Variants in HIVEP2 observed in about 807,000 individuals in gnomAD.
HIVEP2 encodes HIVEP zinc finger 2.
HIVEP2 carries 14 observed loss-of-function variants against 180.7 expected under a neutral mutation model. The ratio of observed to expected loss-of-function variants is 0.08; its 90% CI spans 0.05 to 0.12. HIVEP2 has a LOEUF of 0.12. Ranked by LOEUF, HIVEP2 falls within the 10% of genes least tolerant of loss-of-function variation. HIVEP2 has a pLI of 1.00. For synonymous variants in HIVEP2, 1,184 were observed against 1,136.4 expected, an observed-to-expected ratio of 1.04 and a Z score of -0.84; for missense variants, 2,579 against 3,008.5, an observed-to-expected ratio of 0.86 and a Z score of 3.34.
intron 1 of HIVEP2, among the ~76,000 whole-genome samples, chr6:142,925,022 C>T (rs894527976): frequency 6.6e-6 from 1 of 152,170 alleles, no homozygotes; most frequent in Admixed American, 6.5e-5. Context: ...GGTCCTCTGC[C>T]TTCTGTCTAT....
chr6:142,792,461 G>C (rs1056936767), intron 2 of HIVEP2, among the ~76,000 whole-genome samples: 2 of 152,024 alleles, frequency 1.3e-5, no homozygotes, highest in African/African-American at 4.8e-5. Context: ...AACTAACAGG[G>C]GAACAGAAAA....
intron 2 of HIVEP2, among the ~76,000 whole-genome samples, chr6:142,807,289 A>C (rs1396323723): frequency 6.6e-6 from 1 of 152,136 alleles, no homozygotes; most frequent in Admixed American, 6.6e-5. Context: ...ATTTAAGCAA[A>C]TAGGAAACTC....
chr6:142,766,419 C>T (rs771083645), intron 6 of HIVEP2, among the ~76,000 whole-genome samples: 18 of 151,852 alleles, frequency 1.2e-4, no homozygotes, highest in Non-Finnish European at 2.2e-4. Flanking sequence ...TAGAAAAAAC[C>T]CTAAAGATGC....
chr6:142,878,804 T>C (rs972739934), intron 1 of HIVEP2, among the ~76,000 whole-genome samples: 3 of 152,172 alleles, frequency 2.0e-5, no homozygotes, highest in Admixed American at 6.5e-5. Flanking sequence ...CTGCTGGGAC[T>C]GAAGGCACCT....
chr6:142,849,036 T>G (rs1039538406), intron 1 of HIVEP2, among the ~76,000 whole-genome samples: 1 of 152,252 alleles, frequency 6.6e-6, no homozygotes, highest in African/African-American at 2.4e-5. Context: ...TATTTTTTCC[T>G]ATTTCAATAT....
chr6:142,800,050 C>A (rs1204389174), intron 2 of HIVEP2, among the ~76,000 whole-genome samples: 1 of 152,130 alleles, frequency 6.6e-6, no homozygotes, highest in Non-Finnish European at 1.5e-5. Flanking sequence ...GACTAAGCAG[C>A]AAATATTTTC....
At chr6:142,769,470 TAGGC>T in intron 5 of HIVEP2, 78 bp downstream of exon 5, 1 of 1,209,226 alleles carries the variant, frequency 8.3e-7, no homozygotes, top group South Asian at 1.5e-5. Context: ...ATTTTTTTTT[TAGGC>T]CTTATATCCT....
At chr6:142,855,567 T>C (rs993001137) in intron 1 of HIVEP2, among the ~76,000 whole-genome samples, 1 of 152,222 alleles carries the variant, frequency 6.6e-6, no homozygotes, top group African/African-American at 2.4e-5. Context: ...ATACTTAATG[T>C]ATTAATAACC....
chr6:142,900,783 G>C (rs1345682098), intron 1 of HIVEP2, among the ~76,000 whole-genome samples: 1 of 152,150 alleles, frequency 6.6e-6, no homozygotes. Context: ...CTTGCACAAA[G>C]ACCTTATTAT....
chr6:142,802,174 C>T (rs2114763495), intron 2 of HIVEP2, among the ~76,000 whole-genome samples: 1 of 152,286 alleles, frequency 6.6e-6, no homozygotes, highest in Non-Finnish European at 1.5e-5. Flanking sequence ...CAAACTCCTT[C>T]AAACTTATGG....
At chr6:142,793,263 C>G (rs368130894) in intron 2 of HIVEP2, among the ~76,000 whole-genome samples, 3 of 152,108 alleles carry the variant, frequency 2.0e-5, no homozygotes, top group African/African-American at 7.2e-5. Context: ...GTATATATCT[C>G]TCATAATTCT....
intron 2 of HIVEP2, among the ~76,000 whole-genome samples, chr6:142,824,407 T>C (rs1367113766): frequency 6.6e-6 from 1 of 152,204 alleles, no homozygotes; most frequent in Non-Finnish European, 1.5e-5. Context: ...ACTGGTCAGA[T>C]GAAATCCCTG....
intron 2 of HIVEP2, among the ~76,000 whole-genome samples, chr6:142,794,532 C>A (rs1776236127): frequency 6.6e-6 from 1 of 152,148 alleles, no homozygotes; most frequent in Non-Finnish European, 1.5e-5. Flanking sequence ...TATAACATAA[C>A]TGGATAGGAG....
chr6:142,778,218 T>C (rs1304735087), intron 3 of HIVEP2, among the ~76,000 whole-genome samples: 2 of 152,214 alleles, frequency 1.3e-5, no homozygotes, highest in Non-Finnish European at 2.9e-5. Context: ...CTGCAGGAAA[T>C]GAGGCAAAAA....
chr6:142,926,433 T>A (rs1033198892), intron 1 of HIVEP2, among the ~76,000 whole-genome samples: 8 of 152,254 alleles, frequency 5.3e-5, no homozygotes, highest in Admixed American at 3.3e-4. Context: ...AACATTCATA[T>A]CTTTGTTTCC....
At chr6:142,833,591 A>G (rs1024013584) in intron 2 of HIVEP2, among the ~76,000 whole-genome samples, 1 of 152,342 alleles carries the variant, frequency 6.6e-6, no homozygotes, top group East Asian at 1.9e-4. Flanking sequence ...GGAATGATGA[A>G]TATGTGAATG....
intron 1 of HIVEP2, among the ~76,000 whole-genome samples, chr6:142,936,419 T>C (rs942409662): frequency 6.6e-6 from 1 of 151,966 alleles, no homozygotes; most frequent in Admixed American, 6.6e-5. Flanking sequence ...CTCGAACTCC[T>C]GACCTTGTGA....
intron 1 of HIVEP2, among the ~76,000 whole-genome samples, chr6:142,928,050 C>G (rs1235253399): frequency 6.6e-6 from 1 of 152,186 alleles, no homozygotes; most frequent in Non-Finnish European, 1.5e-5. Flanking sequence ...CACATCAGGA[C>G]ATGAATTAAA....
At chr6:142,862,907 G>A (rs1419140022) in intron 1 of HIVEP2, among the ~76,000 whole-genome samples, 3 of 129,964 alleles carry the variant, frequency 2.3e-5, no homozygotes, top group South Asian at 4.6e-4. Flanking sequence ...TAGATTATAT[G>A]TATTATATAA....
Sources: gnomAD v4.1 joint callset for allele counts (sites outside exome capture counted in the v4.1 genomes callset) on GRCh38, gnomAD v4.1.1 for gene constraint, MANE v1.5 for transcripts, NCBI Gene and HGNC (gene_info 2026-07-23, HGNC 2026-07-21) for gene names.